NEGR1: variants seen among roughly 807,000 people sequenced by gnomAD.
NEGR1 encodes IgLON family member 4.
In NEGR1, 10 loss-of-function variants were observed where a neutral mutation model predicts 40.9. The ratio of observed to expected loss-of-function variants is 0.24; its 90% CI spans 0.15 to 0.42. The LOEUF (loss-of-function observed/expected upper bound fraction) is 0.42, where lower values mean the gene tolerates loss of function less well. NEGR1 is among the 10% of genes least tolerant of loss of function. The pLI, the probability that NEGR1 is intolerant of heterozygous loss-of-function variation, is 1.00. For synonymous variants in NEGR1, 185 were observed against 166.8 expected, an observed-to-expected ratio of 1.11 and a Z score of -0.84; for missense variants, 352 against 438.9, an observed-to-expected ratio of 0.80 and a Z score of 1.77.
intron 2 of NEGR1, among the ~76,000 whole-genome samples, chr1:71,877,534 C>T (rs1660467328): frequency 1.3e-5 from 2 of 152,058 alleles, no homozygotes; most frequent in South Asian, 4.1e-4. Flanking sequence ...TCTTACTGGA[C>T]TATGACCCAC....
chr1:71,649,984 ATG>A (rs1326987212), intron 4 of NEGR1, among the ~76,000 whole-genome samples: 2 of 152,174 alleles, frequency 1.3e-5, no homozygotes, highest in Non-Finnish European at 2.9e-5. Context: ...TTATGGAAAA[ATG>A]AGAAAATACA....
chr1:71,968,175 T>A (rs1372262896), intron 1 of NEGR1, among the ~76,000 whole-genome samples: 2 of 152,180 alleles, frequency 1.3e-5, no homozygotes, highest in African/African-American at 4.8e-5. Context: ...TCTGTACGAT[T>A]ATAAAAAAAT....
chr1:71,809,178 C>T (rs1190340567), intron 2 of NEGR1, among the ~76,000 whole-genome samples: 2 of 152,098 alleles, frequency 1.3e-5, no homozygotes, highest in South Asian at 4.1e-4. Context: ...ATTCGTGTTG[C>T]AAAAGAGTGT....
At chr1:71,665,424 G>A (rs999886057) in intron 4 of NEGR1, among the ~76,000 whole-genome samples, 1 of 152,176 alleles carries the variant, frequency 6.6e-6, no homozygotes, top group Non-Finnish European at 1.5e-5. Flanking sequence ...TATTAAGCCT[G>A]TGCCATATTC....
At chr1:71,996,492 A>T (rs966168568) in intron 1 of NEGR1, among the ~76,000 whole-genome samples, 4 of 152,090 alleles carry the variant, frequency 2.6e-5, no homozygotes, top group African/African-American at 9.7e-5. Context: ...TTTACTTTCT[A>T]TGCCATTGAA....
At chr1:71,463,943 A>G (rs1646729315) in intron 6 of NEGR1, among the ~76,000 whole-genome samples, 1 of 152,194 alleles carries the variant, frequency 6.6e-6, no homozygotes, top group Non-Finnish European at 1.5e-5. Context: ...GATGAATTGT[A>G]TCGTCAGGAA....
chr1:71,765,394 T>C (rs1358202370), intron 3 of NEGR1, among the ~76,000 whole-genome samples: 2 of 152,312 alleles, frequency 1.3e-5, no homozygotes, highest in East Asian at 3.9e-4. Flanking sequence ...CAAGAGTTTG[T>C]TGAATCTCAA....
At chr1:71,846,931 T>C (rs370236705) in intron 2 of NEGR1, among the ~76,000 whole-genome samples, 23 of 152,212 alleles carry the variant, frequency 1.5e-4, no homozygotes, top group African/African-American at 5.3e-4. Flanking sequence ...TTTCAACTCA[T>C]GAATTTGCTA....
At chr1:71,446,111 A>G (rs952458763) in intron 6 of NEGR1, among the ~76,000 whole-genome samples, 1 of 152,246 alleles carries the variant, frequency 6.6e-6, no homozygotes, top group Non-Finnish European at 1.5e-5. Flanking sequence ...AGTTATGAGC[A>G]TGGAGGACTT....
At chr1:71,813,230 T>A (rs940852047) in intron 2 of NEGR1, among the ~76,000 whole-genome samples, 3 of 152,120 alleles carry the variant, frequency 2.0e-5, no homozygotes, top group Admixed American at 1.3e-4. Context: ...TTGTTGAAGA[T>A]CAGATGGTCG....
rs149609412 is a variant in NEGR1, at chr1:71,402,511, T to C, written c.*4935A>G. 27 of 152,284 alleles carry C rather than the reference T, an allele frequency of 1.8e-4. No homozygotes were observed. The highest frequency in any genetic ancestry group is 6.5e-4 in the African/African-American group (27 of 41,574). The allele number at this position is 152,284 out of a possible 1,614,324, so 9.4% of individuals were successfully genotyped here. On this transcript the variant is annotated 3_prime_UTR_variant, in exon 7 of 7. Transcript: ENST00000357731. Reference sequence around the variant, plus strand: ...TTTTCTCTAGGAATACCGGAAAGCATGTATTTGTTTGCTAAATTGCTCTCT... The same window carrying C: ...TTTTCTCTAGGAATACCGGAAAGCACGTATTTGTTTGCTAAATTGCTCTCT...
chr1:72,017,126 A>G (rs980975510), intron 1 of NEGR1, among the ~76,000 whole-genome samples: 69 of 146,884 alleles, frequency 4.7e-4, no homozygotes, highest in East Asian at 1.0e-3. Flanking sequence ...ATACACATAT[A>G]TGTGTGTGTG....
chr1:71,570,644 CTTATTA>C (rs150984543), intron 6 of NEGR1, among the ~76,000 whole-genome samples: 4 of 148,132 alleles, frequency 2.7e-5, no homozygotes, highest in East Asian at 2.0e-4. Flanking sequence ...ATACTGGGTC[CTTATTA>C]TTATTATTAT....
At chr1:71,930,776 C>T (rs192494695) in intron 2 of NEGR1, among the ~76,000 whole-genome samples, 8 of 152,108 alleles carry the variant, frequency 5.3e-5, no homozygotes, top group East Asian at 1.9e-4. Flanking sequence ...CCGCTGGGGA[C>T]GGAAGAAGAA....
At position 71,847,417 on chromosome 1, in the gene NEGR1, A is replaced by C. The variant is rs377004784; in HGVS notation, c.410-71120T>G. 7.0e-4 allele frequency among the ~76,000 whole-genome samples: 106 copies of C among 152,212 alleles called. 1 individual carries two copies. Among genetic ancestry groups the C allele is most frequent in the South Asian group, 6.2e-3 (30 of 4,806 alleles). On this transcript the variant is annotated intron_variant, in intron 2 of 6. Coordinates refer to ENST00000357731, the MANE Select transcript of NEGR1 (RefSeq NM_173808.3). ...GCGAGTCTATCAGCACCATTTTTTC[A>C]ACAGCATGAGCTCATTTCATGTCTC...
chr1:71,833,849 A>G (rs1658922652), intron 2 of NEGR1, among the ~76,000 whole-genome samples: 2 of 152,134 alleles, frequency 1.3e-5, no homozygotes, highest in African/African-American at 4.8e-5. Flanking sequence ...TCACTGCAGC[A>G]TAAGCATAGC....
intron 1 of NEGR1, among the ~76,000 whole-genome samples, chr1:72,275,817 G>A (rs533516584): frequency 1.3e-5 from 2 of 152,244 alleles, no homozygotes; most frequent in African/African-American, 4.8e-5. Flanking sequence ...ATACAGTTAA[G>A]AGGGAGAGGT....
At chr1:72,230,749 A>G (rs1469603174) in intron 1 of NEGR1, among the ~76,000 whole-genome samples, 1 of 152,178 alleles carries the variant, frequency 6.6e-6, no homozygotes, top group East Asian at 1.9e-4. Context: ...TCTACCAACC[A>G]TGTCCAACAT....
In NEGR1 at chr1:71,402,678, AACTT is replaced by A. The variant is rs1646254343; in HGVS notation, c.*4764_*4767del. On this transcript the variant is annotated 3_prime_UTR_variant, in exon 7 of 7. Coordinates refer to ENST00000357731, the MANE Select transcript of NEGR1 (RefSeq NM_173808.3). ...ACGGGTGTTTGGATCAAATTCCACTAACTTGAATGAATTACCTTGGAAAATTATC... is the reference window on the plus strand; with the variant it reads ...ACGGGTGTTTGGATCAAATTCCACTAGAATGAATTACCTTGGAAAATTATC... 6.6e-6 allele frequency: 1 copy of A among 152,150 alleles called. No homozygotes were observed. The highest frequency in any genetic ancestry group is 1.5e-5 in the Non-Finnish European group (1 of 67,998). The allele number at this position is 152,150 out of a possible 1,614,324, so 9.4% of individuals were successfully genotyped here.
Sources: allele counts gnomAD v4.1 joint callset (sites outside exome capture counted in the v4.1 genomes callset), GRCh38; gene constraint gnomAD v4.1.1; transcripts MANE v1.5; gene names NCBI Gene and HGNC (gene_info 2026-07-23, HGNC 2026-07-21).